The following CAND1 variants were observed in gnomAD, a reference collection of about 807,000 sequenced individuals.
CAND1 encodes the protein cullin-associated NEDD8-dissociated protein 1.
A neutral mutation model predicts 108.5 loss-of-function variants in CAND1; 7 were observed. The ratio of observed to expected loss-of-function variants is 0.06; its 90% CI spans 0.04 to 0.12. CAND1 has a LOEUF of 0.12. Among genes scored for constraint, CAND1 ranks in the 10% least tolerant of loss-of-function variants. CAND1 has a pLI of 1.00. For missense variants in CAND1, 941 were observed against 1,448.7 expected (o/e 0.65, Z 5.69); for synonymous variants, 534 against 512.0 (o/e 1.04, Z -0.58).
chr12:67,301,374 A>G lies in CAND1; in HGVS notation c.1001-949A>G, dbSNP rs190131888. Among the ~76,000 whole-genome samples, 137 of 152,274 alleles carry G rather than the reference A, an allele frequency of 9.0e-4. 2 individuals are homozygous for G. The highest frequency in any genetic ancestry group is 3.4e-3 in the Middle Eastern group (1 of 294). Reference sequence around the variant, plus strand: ...CAGTAAAAAGTTACTACTCCGCTCTATTATTTCAAGGCTATGTATAGTCTT... The same window carrying G: ...CAGTAAAAAGTTACTACTCCGCTCTGTTATTTCAAGGCTATGTATAGTCTT... On this transcript the variant is annotated intron_variant, in intron 7 of 14. Transcript: ENST00000545606.
At chr12:67,291,548 A>G (rs1490729399) in intron 2 of CAND1, among the ~76,000 whole-genome samples, 5 of 152,242 alleles carry the variant, frequency 3.3e-5, no homozygotes, top group Non-Finnish European at 5.9e-5. Flanking sequence ...ACAAAATGAG[A>G]TAACTTGGGG....
chr12:67,286,865 T>C (rs1349266262), intron 2 of CAND1, among the ~76,000 whole-genome samples: 3 of 152,206 alleles, frequency 2.0e-5, no homozygotes, highest in Non-Finnish European at 4.4e-5. Context: ...TCTTTTTTTC[T>C]CCAAATGGAT....
intron 7 of CAND1, among the ~76,000 whole-genome samples, chr12:67,300,838 C>A (rs1466712224): frequency 6.6e-6 from 1 of 152,032 alleles, no homozygotes; most frequent in Non-Finnish European, 1.5e-5. Context: ...ATATGAATAT[C>A]TTTTGAAGAA....
chr12:67,291,420 TAGAA>T (rs757442581), intron 2 of CAND1, among the ~76,000 whole-genome samples: 80 of 152,304 alleles, frequency 5.3e-4, no homozygotes, highest in Admixed American at 1.8e-3. Flanking sequence ...TGTTTGGTAA[TAGAA>T]AGAAAGGGTC....
Position 67,294,231 on chromosome 12 carries a change from C to T in CAND1, c.368-802C>T, listed in dbSNP as rs553969044. 1.1e-4 allele frequency among the ~76,000 whole-genome samples: 17 copies of T among 152,272 alleles called. No homozygotes were observed. In the South Asian group the frequency reaches 1.2e-3, roughly 11 times the overall value. ...ATTTTTTTAACCATTCAGATTCTTACTTTCACAGTGACTTGTTCTTTTTCT... is the reference window on the plus strand; with the variant it reads ...ATTTTTTTAACCATTCAGATTCTTATTTTCACAGTGACTTGTTCTTTTTCT... On this transcript the variant is annotated intron_variant, in intron 3 of 14. Coordinates refer to ENST00000545606, the MANE Select transcript of CAND1 (RefSeq NM_018448.5).
chr12:67,277,041 ACT>A (rs1283354414), intron 1 of CAND1, among the ~76,000 whole-genome samples: 1 of 151,832 alleles, frequency 6.6e-6, no homozygotes, highest in Non-Finnish European at 1.5e-5. Context: ...TAACATTAAG[ACT>A]CTGGACAAGG....
intron 7 of CAND1, among the ~76,000 whole-genome samples, chr12:67,300,556 A>G: frequency 6.6e-6 from 1 of 152,118 alleles, no homozygotes; most frequent in East Asian, 1.9e-4. Flanking sequence ...CCTTGCAGTC[A>G]TACCTGATTC....
At position 67,312,520 on chromosome 12, in the gene CAND1, T is replaced by C. The variant is rs184094487; in HGVS notation, c.3469-86T>C. 6.4e-5 allele frequency: 50 copies of C among 775,520 alleles called. No individual in the cohort carries two copies. The African/African-American group carries it at 8.6e-4, about 13-fold the overall frequency. The allele number at this position is 775,520 out of a possible 1,614,324, so 48.0% of individuals were successfully genotyped here. ...CTTATGGACCTACGAGAGTAGCTTT[T>C]AGCAGGAAGATCTTATGTGCTTAAA... is the stretch of plus-strand genomic sequence containing the variant. On this transcript the variant is annotated intron_variant, in intron 14 of 14. Coordinates refer to ENST00000545606, the MANE Select transcript of CAND1 (RefSeq NM_018448.5).
At chr12:67,272,939 C>A (rs1467467907) in intron 1 of CAND1, among the ~76,000 whole-genome samples, 1 of 152,152 alleles carries the variant, frequency 6.6e-6, no homozygotes, top group Admixed American at 6.5e-5. Context: ...TCGTGATCCA[C>A]CCGCCTGGGC....
chr12:67,304,379 T>C (rs762648533), intron 8 of CAND1, among the ~76,000 whole-genome samples: 17 of 152,222 alleles, frequency 1.1e-4, no homozygotes, highest in Non-Finnish European at 1.5e-4. Flanking sequence ...AATGATAGCT[T>C]TTCTGTAATT....
intron 2 of CAND1, among the ~76,000 whole-genome samples, chr12:67,285,098 C>G (rs1243100922): frequency 3.3e-5 from 5 of 151,950 alleles, no homozygotes; most frequent in African/African-American, 4.8e-5. Flanking sequence ...TCAGAAGATA[C>G]AATAGAAAGG....
At position 67,318,428 on chromosome 12, in the gene CAND1, G is replaced by A. The variant is rs970695891; in HGVS notation, c.*5598G>A. The A allele has an allele frequency of 2.6e-5, 4 of 152,198 alleles. No homozygotes were observed. The highest frequency in any genetic ancestry group is 4.4e-5 in the Non-Finnish European group (3 of 68,042). 9.4% of individuals were successfully genotyped at this position (152,198 alleles called of 1,614,324 possible). ...AATTAAAATATTTGCACCTTATAGG[G>A]TTATTGTGAGGATTAAATAGGAACA... On this transcript the variant is annotated 3_prime_UTR_variant, in exon 15 of 15. Transcript: ENST00000545606.
At chr12:67,284,119 G>C (rs972543835) in intron 2 of CAND1, among the ~76,000 whole-genome samples, 1 of 151,976 alleles carries the variant, frequency 6.6e-6, no homozygotes, top group Non-Finnish European at 1.5e-5. Flanking sequence ...CCAAAAGAAA[G>C]ATCCAGAAAT....
chr12:67,297,381 T>A, intron 4 of CAND1, 26 bp from the exon 5 acceptor site: 1 of 1,597,792 alleles, frequency 6.3e-7, no homozygotes, highest in Non-Finnish European at 8.5e-7. Flanking sequence ...TTTGTTGTTT[T>A]CTTTCTTTTT....
Position 67,313,186 on chromosome 12 carries a change from C to CT in CAND1, c.*359dup, listed in dbSNP as rs2044971318. On this transcript the variant is annotated 3_prime_UTR_variant, in exon 15 of 15. Transcript: ENST00000545606. Reference sequence around the variant, plus strand: ...GTTAAAATTTTGTGACCATGAATTTCTTTCTTTTATAAATTTTCTCATTTA... The same window carrying CT: ...GTTAAAATTTTGTGACCATGAATTTCTTTTCTTTTATAAATTTTCTCATTTA... 6.3e-6 allele frequency: 1 copy of CT among 159,288 alleles called. No individual in the cohort carries two copies. Among genetic ancestry groups the CT allele is most frequent in the African/African-American group, 2.4e-5 (1 of 41,804 alleles). The allele number at this position is 159,288 out of a possible 1,614,324, so 9.9% of individuals were successfully genotyped here. A position where few individuals can be genotyped will look rare whatever the true frequency, so the allele number is the denominator to read the frequency against.
In CAND1 at chr12:67,318,120, C is replaced by G. The variant is rs2045026694; in HGVS notation, c.*5290C>G. 6.6e-6 allele frequency: 1 copy of G among 152,254 alleles called. No homozygotes were observed. Among genetic ancestry groups the G allele is most frequent in the Non-Finnish European group, 1.5e-5 (1 of 68,092 alleles). 9.4% of individuals were successfully genotyped at this position (152,254 alleles called of 1,614,324 possible). ...AAACCCCGTCTTTGCTAAAAAAACA[C>G]AAAGAAATTAGCTAGACGTGGTGGC... On this transcript the variant is annotated 3_prime_UTR_variant, in exon 15 of 15. Transcript: ENST00000545606.
At position 67,299,191 on chromosome 12, in the gene CAND1, G is replaced by C. The variant is rs893645442; in HGVS notation, c.1000+96G>C. 6.8e-6 allele frequency: 8 copies of C among 1,176,042 alleles called. No individual in the cohort carries two copies. The Admixed American group carries it at 9.7e-5, about 14-fold the overall frequency. The allele number at this position is 1,176,042 out of a possible 1,614,324, so 72.9% of individuals were successfully genotyped here. On this transcript the variant is annotated intron_variant, in intron 7 of 14. Coordinates refer to ENST00000545606, the MANE Select transcript of CAND1 (RefSeq NM_018448.5). ...CAAATTGTACTGTTTGTTTTATTTAGTTATAATAGTGAAAAGGGAAATGAT... is the reference window on the plus strand; with the variant it reads ...CAAATTGTACTGTTTGTTTTATTTACTTATAATAGTGAAAAGGGAAATGAT...
At position 67,269,512 on chromosome 12, in the gene CAND1, G is replaced by C. The variant is rs1592597714; in HGVS notation, c.-206G>C. On this transcript the variant is annotated 5_prime_UTR_variant, in exon 1 of 15. Coordinates refer to ENST00000545606, the MANE Select transcript of CAND1 (RefSeq NM_018448.5). ...GTCGTTAGGCTGGCTCTGTAGCCTC[G>C]GCTTACCCCGGGACAGGCCCACGCC... The C allele has an allele frequency of 1.8e-6, 1 of 545,320 alleles. No individual in the cohort carries two copies. The highest frequency in any genetic ancestry group is 3.2e-6 in the Non-Finnish European group (1 of 314,134). The allele number at this position is 545,320 out of a possible 1,614,324, so 33.8% of individuals were successfully genotyped here.
chr12:67,284,004 GATTATTAAGCAGCCATATCA>G (rs1041966442), intron 2 of CAND1, among the ~76,000 whole-genome samples: 2 of 151,982 alleles, frequency 1.3e-5, no homozygotes, highest in East Asian at 1.9e-4. Context: ...AATCCCAATA[GATTATTAAGCAGCCATATCA>G]ATTATTAAGC....
Sources: allele counts gnomAD v4.1 joint callset (sites outside exome capture counted in the v4.1 genomes callset), GRCh38; gene constraint gnomAD v4.1.1; transcripts MANE v1.5; gene names NCBI Gene and HGNC (gene_info 2026-07-23, HGNC 2026-07-21).